The following COL22A1 variants were observed in gnomAD, a reference collection of about 807,000 sequenced individuals.
COL22A1 encodes the protein collagen alpha-1(XXII) chain.
COL22A1 carries 221 observed loss-of-function variants against 248.9 expected under a neutral mutation model. That is an observed-to-expected ratio of 0.89 (90% CI 0.80 to 0.99). COL22A1 has a LOEUF of 0.99. Among genes scored for constraint, COL22A1 ranks in the 50% least tolerant of loss-of-function variants. The pLI, the probability that COL22A1 is intolerant of heterozygous loss-of-function variation, is 0.00. For synonymous variants in COL22A1, 891 were observed against 793.4 expected (o/e 1.12, Z -2.07); for missense variants, 2,240 against 2,179.0 (o/e 1.03, Z -0.56).
At chr8:138,661,107 CAG>C (rs60814994) in intron 43 of COL22A1, among the ~76,000 whole-genome samples, 99,471 of 146,788 alleles carry the variant, frequency 0.68, 35,877 homozygotes, top group Non-Finnish European at 0.82. Context: ...CACACACACA[CAG>C]ACACACACAC....
In COL22A1 at chr8:138,780,963, G is replaced by C; in HGVS notation, c.1614C>G (p.Pro538=). 1.2e-6 allele frequency: 2 copies of C among 1,607,352 alleles called. No individual in the cohort carries two copies. The highest frequency in any genetic ancestry group is 1.7e-6 in the Non-Finnish European group (2 of 1,177,808). ...TGCTGCCGTCTCTCCCAGGGGGGCC[G>C]GGCAGGCCCAGGGAACCCTAAAGCC... is the stretch of plus-strand genomic sequence containing the variant. ...EKGEKGSLGL[P]GPPGRDGSKG... is the part of the protein sequence containing the mutation. The change falls in exon 13 of 65, where the codon CCC becomes CCG. Residue 538 remains proline (P), a synonymous_variant. Coordinates refer to ENST00000303045, the MANE Select transcript of COL22A1 (RefSeq NM_152888.3).
At chr8:138,662,301 T>C (rs10875431) in intron 42 of COL22A1, among the ~76,000 whole-genome samples, 101,656 of 151,966 alleles carry the variant, frequency 0.67, 35,226 homozygotes, top group Middle Eastern at 0.78. Context: ...CTCTGGAAAA[T>C]CTTCATTTTG....
At chr8:138,793,996 A>G (rs1563771081) in intron 12 of COL22A1, among the ~76,000 whole-genome samples, 1 of 152,148 alleles carries the variant, frequency 6.6e-6, no homozygotes, top group African/African-American at 2.4e-5. Flanking sequence ...CGGACCCCGG[A>G]AGTCCCGGAT....
intron 9 of COL22A1, among the ~76,000 whole-genome samples, chr8:138,808,391 G>A (rs10086199): frequency 0.46 from 70,309 of 151,856 alleles, 16,764 homozygotes; most frequent in Middle Eastern, 0.57. Flanking sequence ...AACCCAAAGG[G>A]GTATTCACTA....
At chr8:138,708,794 C>A (rs202069575) in intron 30 of COL22A1, among the ~76,000 whole-genome samples, 3 of 152,076 alleles carry the variant, frequency 2.0e-5, no homozygotes, top group Admixed American at 6.6e-5. Flanking sequence ...AATGGGATCT[C>A]ATTAAACTAA....
At chr8:138,807,736 C>A in intron 10 of COL22A1, 32 bp downstream of exon 10, 1 of 1,608,908 alleles carries the variant, frequency 6.2e-7, no homozygotes, top group South Asian at 1.1e-5. Context: ...AAGTGAGGTT[C>A]TAAACTACAC....
chr8:138,675,849 C>G (rs1057176378), intron 41 of COL22A1, among the ~76,000 whole-genome samples: 1 of 152,118 alleles, frequency 6.6e-6, no homozygotes, highest in Non-Finnish European at 1.5e-5. Context: ...TCAATGAAAA[C>G]AAAATTCTAC....
intron 3 of COL22A1, among the ~76,000 whole-genome samples, chr8:138,851,331 G>T (rs1266489750): frequency 6.6e-6 from 1 of 152,200 alleles, no homozygotes; most frequent in Admixed American, 6.5e-5. Context: ...AAGCCCCACA[G>T]CTAGAGTGGC....
At chr8:138,823,902 G>T (rs746551777) in intron 6 of COL22A1, among the ~76,000 whole-genome samples, 7 of 152,210 alleles carry the variant, frequency 4.6e-5, no homozygotes, top group Non-Finnish European at 7.3e-5. Context: ...ATGAAGGAAT[G>T]AACAAATGAA....
At chr8:138,621,154 C>G (rs1001674678) in intron 52 of COL22A1, among the ~76,000 whole-genome samples, 5 of 152,224 alleles carry the variant, frequency 3.3e-5, no homozygotes, top group Non-Finnish European at 2.9e-5. Context: ...CCAACCACAT[C>G]CCCTGGGGCC....
intron 43 of COL22A1, among the ~76,000 whole-genome samples, chr8:138,660,971 CACAT>C (rs1183671238): frequency 1.1e-4 from 7 of 65,840 alleles, no homozygotes; most frequent in African/African-American, 2.7e-4. Flanking sequence ...CACGCACACA[CACAT>C]ACACACACAC....
chr8:138,809,346 T>C (rs1817983229), intron 9 of COL22A1, among the ~76,000 whole-genome samples: 3 of 152,072 alleles, frequency 2.0e-5, no homozygotes, highest in Admixed American at 1.3e-4. Flanking sequence ...GTGTACAGCA[T>C]AGTACACAGC....
Position 138,914,041 on chromosome 8 carries a change from T to C in COL22A1, c.-495A>G, listed in dbSNP as rs1587039363. 6.6e-6 allele frequency: 1 copy of C among 150,450 alleles called. No individual in the cohort carries two copies. The highest frequency in any genetic ancestry group is 2.0e-4 in the East Asian group (1 of 4,956). The allele number at this position is 150,450 out of a possible 1,614,324, so 9.3% of individuals were successfully genotyped here. On this transcript the variant is annotated 5_prime_UTR_variant, in exon 1 of 65. Coordinates refer to ENST00000303045, the MANE Select transcript of COL22A1 (RefSeq NM_152888.3). Reference sequence around the variant, plus strand: ...GTCTGGAGCCTCCCCAGGGGCAAGCTGGCCTCAGCGCTGGGATTCCCCGGC... The same window carrying C: ...GTCTGGAGCCTCCCCAGGGGCAAGCCGGCCTCAGCGCTGGGATTCCCCGGC...
At chr8:138,816,955 G>C (rs1481487293) in intron 7 of COL22A1, among the ~76,000 whole-genome samples, 2 of 152,310 alleles carry the variant, frequency 1.3e-5, no homozygotes, top group Non-Finnish European at 1.5e-5. Context: ...TAACCCAGCT[G>C]AGAACTCCCC....
Position 138,821,282 on chromosome 8 carries a change from T to C in COL22A1, c.1099A>G (p.Met367Val). Residue 367 changes from methionine (M) to valine (V), a missense_variant, in exon 7 of 65, where the codon ATG becomes GTG. Coordinates refer to ENST00000303045, the MANE Select transcript of COL22A1 (RefSeq NM_152888.3). The part of the protein sequence containing the change: ...NDLFDRDWHK[M>V]ALSIQAQNVS... The stretch of plus-strand genomic sequence containing the variant: ...TTCTGGGCCTGGATGCTCAGGGCCA[T>C]CTTGTGCCAGTCCCGGTCAAAGAGG... 6.2e-7 allele frequency: 1 copy of C among 1,614,156 alleles called. No individual in the cohort carries two copies. Among genetic ancestry groups the C allele is most frequent in the Non-Finnish European group, 8.5e-7 (1 of 1,180,022 alleles).
intron 32 of COL22A1, among the ~76,000 whole-genome samples, chr8:138,699,639 C>T (rs1034851005): frequency 6.6e-6 from 1 of 151,088 alleles, no homozygotes; most frequent in African/African-American, 2.4e-5. Context: ...TGTCCATCGG[C>T]ACACCCCAGG....
chr8:138,620,426 A>G (rs1819693442), intron 52 of COL22A1: 1 of 151,688 alleles, frequency 6.6e-6, no homozygotes, highest in South Asian at 2.1e-4. Context: ...AAAAAAAACT[A>G]TAGAAAGAAG....
rs565905765 is a variant in COL22A1 at position 138,760,838 on chromosome 8, C to T, written c.1858-551G>A. On this transcript the variant is annotated intron_variant, in intron 17 of 64. Transcript: ENST00000303045. The stretch of plus-strand genomic sequence containing the variant: ...TCCCTGCTGGGAAGCTTTCCACCAG[C>T]GGCCAAGAGAACGCCTGAGCTTCCC... Among the ~76,000 whole-genome samples, 68 of 152,216 alleles carry T rather than the reference C, an allele frequency of 4.5e-4. 3 individuals are homozygous for T. In the South Asian group the frequency reaches 0.014, roughly 31 times the overall value.
Position 138,715,681 on chromosome 8 carries a change from C to T in COL22A1, c.2517+1G>A. 6.2e-7 allele frequency: 1 copy of T among 1,609,974 alleles called. No individual in the cohort carries two copies. The highest frequency in any genetic ancestry group is 8.5e-7 in the Non-Finnish European group (1 of 1,177,592). On this transcript the variant is annotated splice_donor_variant, in intron 30 of 64. Coordinates refer to ENST00000303045, the MANE Select transcript of COL22A1 (RefSeq NM_152888.3). LOFTEE classifies it high-confidence loss of function. Reference sequence around the variant, plus strand: ...TCAGAATGAGAGCAAGTTTCTCCTACCTTTTCACCTCGGTCACCTTTCAGT... The same window carrying T: ...TCAGAATGAGAGCAAGTTTCTCCTATCTTTTCACCTCGGTCACCTTTCAGT...
Sources: allele counts gnomAD v4.1 joint callset (sites outside exome capture counted in the v4.1 genomes callset), GRCh38; gene constraint gnomAD v4.1.1; transcripts MANE v1.5; gene names NCBI Gene and HGNC (gene_info 2026-07-23, HGNC 2026-07-21).